The following LRP1B variants were observed in gnomAD, a reference collection of about 807,000 sequenced individuals.
LRP1B encodes the protein low-density lipoprotein receptor-related protein 1B.
LRP1B carries 217 observed loss-of-function variants against 556.6 expected under a neutral mutation model. That is an observed-to-expected ratio of 0.39 (90% CI 0.35 to 0.44). The LOEUF (loss-of-function observed/expected upper bound fraction) is 0.44. LRP1B is among the 20% of genes least tolerant of loss of function. The pLI, the probability that LRP1B is intolerant of heterozygous loss-of-function variation, is 1.00. For missense variants in LRP1B, 5,053 were observed against 5,620.8 expected, an observed-to-expected ratio of 0.90 and a Z score of 3.23; for synonymous variants, 2,047 against 1,865.8, an observed-to-expected ratio of 1.10 and a Z score of -2.50.
chr2:141,995,919 G>A (rs1355983035), intron 1 of LRP1B, among the ~76,000 whole-genome samples: 1 of 152,166 alleles, frequency 6.6e-6, no homozygotes, highest in Admixed American at 6.5e-5. Flanking sequence ...TTGTGGAAAA[G>A]AGGGAAGAAA....
At chr2:140,583,584 A>C (rs1445455162) in intron 43 of LRP1B, among the ~76,000 whole-genome samples, 1 of 151,996 alleles carries the variant, frequency 6.6e-6, no homozygotes, top group East Asian at 1.9e-4. Context: ...ACATTTCATA[A>C]TTATGCAATA....
At chr2:140,394,372 T>C (rs1234733393) in intron 66 of LRP1B, among the ~76,000 whole-genome samples, 2 of 152,068 alleles carry the variant, frequency 1.3e-5, no homozygotes, top group African/African-American at 4.8e-5. Context: ...TGATCAATCA[T>C]TATGCTTTTA....
intron 43 of LRP1B, among the ~76,000 whole-genome samples, chr2:140,550,961 T>G (rs1010205491): frequency 6.6e-6 from 1 of 152,018 alleles, no homozygotes; most frequent in African/African-American, 2.4e-5. Flanking sequence ...AATGTCCTTA[T>G]AAGTAGAGGA....
At chr2:140,509,318 T>C (rs942331649) in intron 52 of LRP1B, among the ~76,000 whole-genome samples, 3 of 152,164 alleles carry the variant, frequency 2.0e-5, no homozygotes, top group African/African-American at 4.8e-5. Context: ...AAGGAATTCA[T>C]CTAAATTTTT....
chr2:141,688,043 ATG>A (rs1437211364), intron 2 of LRP1B, among the ~76,000 whole-genome samples: 13 of 151,678 alleles, frequency 8.6e-5, no homozygotes, highest in Non-Finnish European at 1.6e-4. Flanking sequence ...TTCTGCGTAC[ATG>A]TTAATGTAGG....
chr2:140,928,515 T>C (rs950200578), intron 20 of LRP1B, among the ~76,000 whole-genome samples: 1 of 152,124 alleles, frequency 6.6e-6, no homozygotes, highest in Non-Finnish European at 1.5e-5. Flanking sequence ...GGGTTCTGGA[T>C]GGCCTCATAT....
At chr2:140,747,168 C>A (rs1273899301) in intron 35 of LRP1B, among the ~76,000 whole-genome samples, 1 of 152,052 alleles carries the variant, frequency 6.6e-6, no homozygotes, top group Non-Finnish European at 1.5e-5. Flanking sequence ...GCATTATAGG[C>A]AATGCTAGGC....
intron 3 of LRP1B, among the ~76,000 whole-genome samples, chr2:141,432,171 T>A (rs1680584655): frequency 6.6e-6 from 1 of 152,106 alleles, no homozygotes; most frequent in Non-Finnish European, 1.5e-5. Flanking sequence ...AAGGAAAGGG[T>A]ATTGAAATTT....
intron 2 of LRP1B, among the ~76,000 whole-genome samples, chr2:141,520,751 A>C (rs1684497805): frequency 6.6e-6 from 1 of 151,848 alleles, no homozygotes; most frequent in Admixed American, 6.6e-5. Flanking sequence ...AGTATCTGTA[A>C]CTCCTTACAA....
intron 66 of LRP1B, among the ~76,000 whole-genome samples, chr2:140,408,661 T>C (rs1684848969): frequency 6.6e-6 from 1 of 151,948 alleles, no homozygotes; most frequent in African/African-American, 2.4e-5. Context: ...GTTACACTAC[T>C]ATCTGAGGGA....
chr2:140,312,514 A>G (rs1193785526), intron 83 of LRP1B, among the ~76,000 whole-genome samples: 3 of 152,004 alleles, frequency 2.0e-5, no homozygotes. Flanking sequence ...TATAGCTGTT[A>G]ACAGCAAAAA....
At chr2:141,211,694 G>T (rs1031861278) in intron 6 of LRP1B, among the ~76,000 whole-genome samples, 1 of 152,090 alleles carries the variant, frequency 6.6e-6, no homozygotes, top group Admixed American at 6.5e-5. Context: ...ATCAGAACAG[G>T]TTACTTCAAA....
At chr2:140,845,595 TA>T (rs1319629098) in intron 29 of LRP1B, among the ~76,000 whole-genome samples, 1 of 152,012 alleles carries the variant, frequency 6.6e-6, no homozygotes, top group Admixed American at 6.6e-5. Context: ...TACATATTCA[TA>T]AATTATTATA....
chr2:141,810,519 T>G (rs1333519644), intron 1 of LRP1B, 118 bp from the exon 2 acceptor site: 2 of 1,072,992 alleles, frequency 1.9e-6, no homozygotes, highest in East Asian at 5.2e-5. Flanking sequence ...ATGATCCACA[T>G]TTTCTGTTCG....
chr2:141,140,328 T>G (rs555286406), intron 7 of LRP1B, among the ~76,000 whole-genome samples: 2 of 152,176 alleles, frequency 1.3e-5, no homozygotes, highest in Admixed American at 6.5e-5. Flanking sequence ...TATATAATAA[T>G]AAAAATTTTT....
At chr2:141,300,457 T>G (rs191120538) in intron 3 of LRP1B, among the ~76,000 whole-genome samples, 7 of 152,236 alleles carry the variant, frequency 4.6e-5, no homozygotes, top group Admixed American at 2.6e-4. Flanking sequence ...TGGAAATGGA[T>G]TATAACTAGG....
chr2:141,318,286 CAT>C (rs1687103620), intron 3 of LRP1B, among the ~76,000 whole-genome samples: 1 of 152,024 alleles, frequency 6.6e-6, no homozygotes, highest in Non-Finnish European at 1.5e-5. Flanking sequence ...TGGATACAAA[CAT>C]ACACAAGAAA....
At chr2:140,923,709 G>A (rs1694808311) in intron 20 of LRP1B, among the ~76,000 whole-genome samples, 1 of 151,890 alleles carries the variant, frequency 6.6e-6, no homozygotes, top group Admixed American at 6.6e-5. Context: ...CTGGACAAAG[G>A]ATTTCAATTC....
At chr2:141,016,204 A>G (rs1220677411) in intron 12 of LRP1B, among the ~76,000 whole-genome samples, 2 of 152,016 alleles carry the variant, frequency 1.3e-5, no homozygotes, top group South Asian at 2.1e-4. Flanking sequence ...CCAAATATCT[A>G]TTTTTGGGGG....
Sources: gnomAD v4.1 joint callset for allele counts (sites outside exome capture counted in the v4.1 genomes callset) on GRCh38, gnomAD v4.1.1 for gene constraint, MANE v1.5 for transcripts, NCBI Gene and HGNC (gene_info 2026-07-23, HGNC 2026-07-21) for gene names.